EMP1: variants seen among roughly 807,000 people sequenced by gnomAD.
EMP1 encodes tumor-associated membrane protein.
In EMP1, 5 loss-of-function variants were observed where a neutral mutation model predicts 15.7. The ratio of observed to expected loss-of-function variants is 0.32; its 90% CI spans 0.17 to 0.67. The LOEUF (loss-of-function observed/expected upper bound fraction) is 0.67, where lower values mean the gene tolerates loss of function less well. Ranked by LOEUF, EMP1 falls within the 30% of genes least tolerant of loss-of-function variation. The pLI is 0.74. For missense variants in EMP1, 166 were observed against 194.2 expected (o/e 0.85, Z 0.86); for synonymous variants, 78 against 76.7 (o/e 1.02, Z -0.09).
At chr12:13,200,777 G>A (rs548808971) in intron 1 of EMP1, among the ~76,000 whole-genome samples, 21 of 152,320 alleles carry the variant, frequency 1.4e-4, no homozygotes, top group African/African-American at 4.1e-4. Context: ...TTAACAAAAT[G>A]TTTGGGTCAA....
intron 1 of EMP1, among the ~76,000 whole-genome samples, chr12:13,197,719 G>C (rs763918374): frequency 6.6e-6 from 1 of 151,836 alleles, no homozygotes; most frequent in Non-Finnish European, 1.5e-5. Flanking sequence ...TGGTTGCAGT[G>C]AACTGAGATT....
chr12:13,214,477 C>T, intron 4 of EMP1, 57 bp from the exon 5 acceptor site: 2 of 1,582,772 alleles, frequency 1.3e-6, no homozygotes. Flanking sequence ...ATTAGTAAAA[C>T]TTTTTCTCGA....
intron 4 of EMP1, 157 bp downstream of exon 4, chr12:13,213,978 G>A: frequency 8.9e-7 from 1 of 1,129,620 alleles, no homozygotes; most frequent in Non-Finnish European, 1.3e-6. Context: ...ACCTTGGATT[G>A]CTGCTTAGGT....
intron 1 of EMP1, chr12:13,209,450 G>C (rs1157294001): frequency 6.6e-6 from 1 of 152,206 alleles, no homozygotes; most frequent in African/African-American, 2.4e-5. Context: ...CTAGACAGCA[G>C]ATATCTTATT....
In EMP1 at chr12:13,214,716, G is replaced by C. The variant is rs139312818; in HGVS notation, c.*25G>C. ...AGGCCGGACGAGTTCATGGGGATCT[G>C]GGGGGTGGGGAGGAGGAAGCCGTTG... On this transcript the variant is annotated 3_prime_UTR_variant, in exon 5 of 5. Coordinates refer to ENST00000256951, the MANE Select transcript of EMP1 (RefSeq NM_001423.3). 6.2e-7 allele frequency: 1 copy of C among 1,603,284 alleles called. No homozygotes were observed. Among genetic ancestry groups the C allele is most frequent in the East Asian group, 2.3e-5 (1 of 44,134 alleles).
At chr12:13,198,646 C>A (rs139181076) in intron 1 of EMP1, among the ~76,000 whole-genome samples, 5 of 152,308 alleles carry the variant, frequency 3.3e-5, no homozygotes, top group Non-Finnish European at 7.4e-5. Flanking sequence ...TTATACAAAT[C>A]TTTTAGTTCT....
In EMP1 at chr12:13,216,688, A is replaced by C. The variant is rs1864219102; in HGVS notation, c.*1997A>C. ...TACTGTATTGGGCTTCTTCGTTAAT[A>C]GATTATTTCATATACTATAATTGTA... On this transcript the variant is annotated 3_prime_UTR_variant, in exon 5 of 5. Coordinates refer to ENST00000256951, the MANE Select transcript of EMP1 (RefSeq NM_001423.3). The C allele has an allele frequency of 2.1e-6, 1 of 469,048 alleles. No homozygotes were observed. The highest frequency in any genetic ancestry group is 3.9e-5 in the Admixed American group (1 of 25,786). 29.1% of individuals were successfully genotyped at this position (469,048 alleles called of 1,614,324 possible). A position where few individuals can be genotyped will look rare whatever the true frequency, so the allele number is the denominator to read the frequency against.
chr12:13,216,360 T>G lies in EMP1; in HGVS notation c.*1669T>G, dbSNP rs1864215350. 1.6e-5 allele frequency: 11 copies of G among 701,912 alleles called. No homozygotes were observed. The highest frequency in any genetic ancestry group is 2.3e-5 in the Non-Finnish European group (9 of 384,646). The allele number at this position is 701,912 out of a possible 1,614,324, so 43.5% of individuals were successfully genotyped here. A position where few individuals can be genotyped will look rare whatever the true frequency, so the allele number is the denominator to read the frequency against. On this transcript the variant is annotated 3_prime_UTR_variant, in exon 5 of 5. Coordinates refer to ENST00000256951, the MANE Select transcript of EMP1 (RefSeq NM_001423.3). Reference sequence around the variant, plus strand: ...TACTAATTCTATTTCTCTATGTTTATTCTAGTTAAGGAAATGTTGAGGGCA... The same window carrying G: ...TACTAATTCTATTTCTCTATGTTTAGTCTAGTTAAGGAAATGTTGAGGGCA...
rs1369045562 is a variant in EMP1 at position 13,213,562 on chromosome 12, A to G, written c.162A>G (p.Ser54=). ...ACATTAGCTGCAGTGACAGCCTGTC[A>G]TATGCCAGTGAAGGTATATATAAAG... The part of the protein sequence containing the change: ...CTNISCSDSL[S]YASEDALKTV... The change falls in exon 3 of 5, where the codon TCA becomes TCG. Residue 54 remains serine (S), a synonymous_variant. Coordinates refer to ENST00000256951, the MANE Select transcript of EMP1 (RefSeq NM_001423.3). The G allele has an allele frequency of 1.2e-6, 2 of 1,614,236 alleles. No individual in the cohort carries two copies. Among genetic ancestry groups the G allele is most frequent in the East Asian group, 4.5e-5 (2 of 44,888 alleles).
Position 13,216,288 on chromosome 12 carries a change from G to A in EMP1, c.*1597G>A, listed in dbSNP as rs1313676899. 4.5e-6 allele frequency: 3 copies of A among 670,634 alleles called. No individual in the cohort carries two copies. In the African/African-American group the frequency reaches 5.4e-5, roughly 12 times the overall value. 41.5% of individuals were successfully genotyped at this position (670,634 alleles called of 1,614,324 possible). A position where few individuals can be genotyped will look rare whatever the true frequency, so the allele number is the denominator to read the frequency against. On this transcript the variant is annotated 3_prime_UTR_variant, in exon 5 of 5. Transcript: ENST00000256951. Reference sequence around the variant, plus strand: ...CATTTCTTTTATACCTTTCCTTTTTGGGGAGTTGTTATGCCATGATTTTTG... The same window carrying A: ...CATTTCTTTTATACCTTTCCTTTTTAGGGAGTTGTTATGCCATGATTTTTG...
At chr12:13,200,700 C>G (rs1864057835) in intron 1 of EMP1, among the ~76,000 whole-genome samples, 1 of 152,216 alleles carries the variant, frequency 6.6e-6, no homozygotes. Flanking sequence ...CTGGGAGATT[C>G]ACTGATACTA....
intron 1 of EMP1, among the ~76,000 whole-genome samples, chr12:13,200,209 C>T (rs1032054151): frequency 2.6e-5 from 4 of 152,266 alleles, no homozygotes; most frequent in African/African-American, 9.6e-5. Flanking sequence ...AGTGTTGCTA[C>T]CTACTAGGTC....
intron 2 of EMP1, 65 bp from the exon 3 acceptor site, chr12:13,213,414 T>C: frequency 7.0e-7 from 1 of 1,436,332 alleles, no homozygotes; most frequent in South Asian, 1.2e-5. Context: ...CAAGCTGATT[T>C]GTTATTTTAT....
rs1407295399 is a variant in EMP1 at position 13,214,600 on chromosome 12, A to G, written c.383A>G (p.Tyr128Cys). 1 of 1,614,020 alleles carries G rather than the reference A, an allele frequency of 6.2e-7. No homozygotes were observed. Among genetic ancestry groups the G allele is most frequent in the South Asian group, 1.1e-5 (1 of 91,062 alleles). Residue 128 changes from tyrosine (Y) to cysteine (C), a missense_variant, in exon 5 of 5, where the codon TAT becomes TGT. Transcript: ENST00000256951. ...SHYANRDGTQYHHGYSYILGW... is the reference protein window; with the variant it reads ...SHYANRDGTQCHHGYSYILGW... Reference sequence around the variant, plus strand: ...TATGCGAATCGTGATGGAACGCAGTATCACCACGGCTATTCCTACATCCTG... The same window carrying G: ...TATGCGAATCGTGATGGAACGCAGTGTCACCACGGCTATTCCTACATCCTG...
At chr12:13,213,866 T>C (rs866257560) in intron 4 of EMP1, 45 bp downstream of exon 4, 1 of 1,609,004 alleles carries the variant, frequency 6.2e-7, no homozygotes, top group Non-Finnish European at 8.5e-7. Flanking sequence ...TTTAAGTCCA[T>C]CTTACCATGG....
At chr12:13,202,320 A>G (rs1864073065) in intron 1 of EMP1, among the ~76,000 whole-genome samples, 1 of 152,182 alleles carries the variant, frequency 6.6e-6, no homozygotes, top group Non-Finnish European at 1.5e-5. Context: ...AGTTTCCACT[A>G]CATGTGCCCA....
intron 1 of EMP1, among the ~76,000 whole-genome samples, chr12:13,207,501 G>A (rs1462232150): frequency 6.6e-6 from 1 of 152,210 alleles, no homozygotes; most frequent in African/African-American, 2.4e-5. Flanking sequence ...AGGAGGAACA[G>A]TGATCAGAAA....
intron 1 of EMP1, among the ~76,000 whole-genome samples, chr12:13,206,754 ATTC>A (rs1373708583): frequency 6.6e-6 from 1 of 152,178 alleles, no homozygotes; most frequent in African/African-American, 2.4e-5. Flanking sequence ...TTAGAAGTCA[ATTC>A]TTCTCAAAGT....
chr12:13,201,412 A>G (rs982785906), intron 1 of EMP1, among the ~76,000 whole-genome samples: 13 of 152,144 alleles, frequency 8.5e-5, no homozygotes, highest in African/African-American at 3.1e-4. Flanking sequence ...TGTCTCAAAA[A>G]AAACAAAAAC....
Sources: gnomAD v4.1 joint callset for allele counts (sites outside exome capture counted in the v4.1 genomes callset) on GRCh38, gnomAD v4.1.1 for gene constraint, MANE v1.5 for transcripts, NCBI Gene and HGNC (gene_info 2026-07-23, HGNC 2026-07-21) for gene names.